SCAF8: variants seen among roughly 807,000 people sequenced by gnomAD.
SCAF8 encodes SR-related CTD associated factor 8, also known as SR-related and CTD-associated factor 8.
A neutral mutation model predicts 140.5 loss-of-function variants in SCAF8; 23 were observed. That is an observed-to-expected ratio of 0.16 (90% CI 0.12 to 0.23). The LOEUF is 0.23. Among genes scored for constraint, SCAF8 ranks in the 10% least tolerant of loss-of-function variants. The probability of loss-of-function intolerance (pLI) is 1.00; values close to 1 mark genes in which losing one functional copy is unlikely to be tolerated. For synonymous variants in SCAF8, 575 were observed against 528.9 expected (o/e 1.09, Z -1.20); for missense variants, 1,397 against 1,555.7 (o/e 0.90, Z 1.72).
At chr6:154,822,810 A>G (rs906087629) in intron 16 of SCAF8, among the ~76,000 whole-genome samples, 2 of 152,190 alleles carry the variant, frequency 1.3e-5, no homozygotes, top group Non-Finnish European at 2.9e-5. Context: ...ATATTTATTG[A>G]GTACTGGCTC....
At chr6:154,736,633 T>C (rs576390640) in intron 1 of SCAF8, among the ~76,000 whole-genome samples, 2 of 152,308 alleles carry the variant, frequency 1.3e-5, no homozygotes, top group East Asian at 3.9e-4. Context: ...GTTAGTGCAC[T>C]ATGGTTGGTC....
At chr6:154,765,855 C>CT (rs1562434097) in intron 1 of SCAF8, among the ~76,000 whole-genome samples, 2 of 152,030 alleles carry the variant, frequency 1.3e-5, no homozygotes, top group African/African-American at 4.8e-5. Context: ...TTTAGAGACT[C>CT]TAGAGAAATA....
At chr6:154,736,641 G>C (rs187438550) in intron 1 of SCAF8, among the ~76,000 whole-genome samples, 2 of 152,274 alleles carry the variant, frequency 1.3e-5, no homozygotes, top group African/African-American at 4.8e-5. Flanking sequence ...ACTATGGTTG[G>C]TCACAGTAGG....
chr6:154,818,628 G>A (rs1480606948), intron 14 of SCAF8, 36 bp downstream of exon 14: 4 of 1,076,156 alleles, frequency 3.7e-6, no homozygotes, highest in Admixed American at 2.0e-5. Flanking sequence ...GGGTAGGGGG[G>A]CAGTATTTTT....
intron 1 of SCAF8, among the ~76,000 whole-genome samples, chr6:154,766,896 T>C (rs574762188): frequency 9.2e-5 from 14 of 152,096 alleles, no homozygotes; most frequent in Admixed American, 5.9e-4. Context: ...TTCCACAGCA[T>C]TGACAATCCT....
At chr6:154,796,506 A>G (rs1228106615) in intron 6 of SCAF8, among the ~76,000 whole-genome samples, 3 of 152,010 alleles carry the variant, frequency 2.0e-5, no homozygotes, top group Non-Finnish European at 2.9e-5. Context: ...ACTAGTTTCT[A>G]TTTGCACCTC....
chr6:154,830,821 A>G, intron 18 of SCAF8, 101 bp from the exon 19 acceptor site: 1 of 778,046 alleles, frequency 1.3e-6, no homozygotes, highest in Non-Finnish European at 2.2e-6. Context: ...TGTGCTTAGT[A>G]ATACAGAGAT....
In SCAF8 at chr6:154,785,760, A is replaced by T. The variant is rs375422370; in HGVS notation, c.160-2101A>T. On this transcript the variant is annotated intron_variant, in intron 3 of 19. Coordinates refer to ENST00000367178, the MANE Select transcript of SCAF8 (RefSeq NM_014892.5). ...GTTCTTTGACAAATAACCATAACTGATGATAACCTGCAGATGACAACTTGG... is the reference window on the plus strand; with the variant it reads ...GTTCTTTGACAAATAACCATAACTGTTGATAACCTGCAGATGACAACTTGG... Among the ~76,000 whole-genome samples, 178 of 152,342 alleles carry T rather than the reference A, an allele frequency of 1.2e-3. 1 individual carries two copies. The highest frequency in any genetic ancestry group is 4.0e-3 in the African/African-American group (168 of 41,580).
intron 1 of SCAF8, among the ~76,000 whole-genome samples, chr6:154,760,334 C>T (rs1036272330): frequency 1.4e-4 from 22 of 151,954 alleles, no homozygotes; most frequent in African/African-American, 5.3e-4. Context: ...TTCTTTTCTT[C>T]TTTTTTTTAA....
chr6:154,827,836 G>A (rs1468694271), intron 18 of SCAF8, among the ~76,000 whole-genome samples: 1 of 100,408 alleles, frequency 1.0e-5, no homozygotes, highest in South Asian at 2.9e-4. Flanking sequence ...GGGCGGGGCG[G>A]GGGGGGGGGC....
intron 3 of SCAF8, among the ~76,000 whole-genome samples, chr6:154,780,696 A>G (rs1777060300): frequency 6.6e-6 from 1 of 152,174 alleles, no homozygotes. Flanking sequence ...TGCAAAGTAC[A>G]TGATCTCATT....
intron 16 of SCAF8, 53 bp from the exon 17 acceptor site, chr6:154,824,181 C>G: frequency 6.3e-7 from 1 of 1,576,096 alleles, no homozygotes; most frequent in Non-Finnish European, 8.7e-7. Flanking sequence ...TTAGTTGTTC[C>G]AAGATGCAGG....
intron 9 of SCAF8, among the ~76,000 whole-genome samples, chr6:154,805,761 A>C (rs1777895489): frequency 6.6e-6 from 1 of 152,048 alleles, no homozygotes; most frequent in Non-Finnish European, 1.5e-5. Context: ...TGTAGAAATT[A>C]ATTTCAGTGT....
At chr6:154,751,474 C>T (rs1778836247) in intron 1 of SCAF8, among the ~76,000 whole-genome samples, 1 of 152,112 alleles carries the variant, frequency 6.6e-6, no homozygotes, top group African/African-American at 2.4e-5. Context: ...GTGATCCACC[C>T]ACCTTGGCCT....
chr6:154,795,189 C>A, intron 6 of SCAF8, 50 bp downstream of exon 6: 1 of 1,505,642 alleles, frequency 6.6e-7, no homozygotes, highest in Non-Finnish European at 9.0e-7. Flanking sequence ...TTAATATTTT[C>A]CTAATGTATT....
At chr6:154,786,069 T>C (rs1437175303) in intron 3 of SCAF8, among the ~76,000 whole-genome samples, 1 of 152,184 alleles carries the variant, frequency 6.6e-6, no homozygotes, top group Non-Finnish European at 1.5e-5. Flanking sequence ...CAATGGAGAA[T>C]GAGTAATTCA....
At chr6:154,740,192 G>C (rs992572629) in intron 1 of SCAF8, among the ~76,000 whole-genome samples, 6 of 152,144 alleles carry the variant, frequency 3.9e-5, no homozygotes, top group Admixed American at 2.0e-4. Context: ...GCTCATATGA[G>C]AACCCAAGAG....
chr6:154,814,836 T>TTAA (rs1340334389), intron 12 of SCAF8, among the ~76,000 whole-genome samples: 1 of 152,198 alleles, frequency 6.6e-6, no homozygotes, highest in Non-Finnish European at 1.5e-5. Context: ...CTTTCAACAG[T>TTAA]TAAGTATCTT....
chr6:154,815,229 G>A (rs1232830545), intron 12 of SCAF8, among the ~76,000 whole-genome samples: 3 of 152,142 alleles, frequency 2.0e-5, no homozygotes, highest in African/African-American at 7.2e-5. Context: ...CCTGGGAGGC[G>A]GAGCTTGCAG....
Sources: gnomAD v4.1 joint callset for allele counts (sites outside exome capture counted in the v4.1 genomes callset) on GRCh38, gnomAD v4.1.1 for gene constraint, MANE v1.5 for transcripts, NCBI Gene and HGNC (gene_info 2026-07-23, HGNC 2026-07-21) for gene names.